Variants in ARMC9 observed in about 807,000 individuals in gnomAD.
ARMC9 encodes lisH domain-containing protein ARMC9.
A neutral mutation model predicts 107.0 loss-of-function variants in ARMC9; 94 were observed. The observed-to-expected ratio is 0.88, with a 90% CI of 0.74 to 1.04. The LOEUF is 1.04. Ranked by LOEUF, ARMC9 falls within the 50% of genes least tolerant of loss-of-function variation. ARMC9 has a pLI of 0.00. For missense variants in ARMC9, 942 were observed against 1,030.1 expected, an observed-to-expected ratio of 0.91 and a Z score of 1.17; for synonymous variants, 380 against 396.9, an observed-to-expected ratio of 0.96 and a Z score of 0.51.
chr2:231,369,751 G>A (rs974273369), intron 23 of ARMC9, among the ~76,000 whole-genome samples: 1 of 151,842 alleles, frequency 6.6e-6, no homozygotes, highest in Non-Finnish European at 1.5e-5. Context: ...CCGCCACCGC[G>A]CCCGGCTAAT....
rs3042595 is a variant in ARMC9 at position 231,255,180 on chromosome 2, AACACACACACAC to A, written c.880-1376_880-1365del. On this transcript the variant is annotated intron_variant, in intron 9 of 24. Coordinates refer to ENST00000611582, the MANE Select transcript of ARMC9 (RefSeq NM_001352754.2). This position sits in a 1 kb window ranked among gnomAD's most constrained non-coding sequence, Gnocchi z 4.7. The stretch of plus-strand genomic sequence containing the variant: ...AGCACTACCTGTAGTGGCAAAAAGA[AACACACACACAC>A]ACACACACACACACACACACACACA... 0.015 allele frequency among the ~76,000 whole-genome samples: 2,142 copies of A among 146,854 alleles called. 23 individuals carry two copies. Among genetic ancestry groups the A allele is most frequent in the Non-Finnish European group, 0.021 (1,420 of 66,292 alleles).
rs960812382 is a variant in ARMC9 at position 231,370,049 on chromosome 2, C to A, written c.2358C>A (p.Ala786=). ...CCAAGGCAAAGGCGTCAGTTCTGGC[C>A]CCTCTGTTCTCTTCGTGTGGCCCCC... ...NPPKAKASVL[A]PLFSSCGPQQ... is the part of the protein sequence containing the mutation. Residue 786 remains alanine (A), a synonymous_variant, in exon 24 of 25, where the codon GCC becomes GCA. Coordinates refer to ENST00000611582, the MANE Select transcript of ARMC9 (RefSeq NM_001352754.2). 6.5e-7 allele frequency: 1 copy of A among 1,535,482 alleles called. No individual in the cohort carries two copies. Among genetic ancestry groups the A allele is most frequent in the African/African-American group, 1.4e-5 (1 of 73,012 alleles).
chr2:231,361,043 G>A (rs1203129429), intron 23 of ARMC9, among the ~76,000 whole-genome samples, 160 bp downstream of exon 23: 1 of 152,216 alleles, frequency 6.6e-6, no homozygotes, highest in African/African-American at 2.4e-5. Context: ...CCAGCGGAGT[G>A]CAGCCGCCAC....
intron 20 of ARMC9, among the ~76,000 whole-genome samples, chr2:231,337,722 C>A (rs2125569953): frequency 6.6e-6 from 1 of 152,180 alleles, no homozygotes; most frequent in Non-Finnish European, 1.5e-5. Context: ...CCTCACCCGG[C>A]CTCAATGTCT....
intron 8 of ARMC9, among the ~76,000 whole-genome samples, chr2:231,236,853 A>G (rs1304862115): frequency 6.6e-6 from 1 of 152,152 alleles, no homozygotes; most frequent in East Asian, 1.9e-4. Flanking sequence ...CTGAGGCGGG[A>G]GGAACTCTTG....
chr2:231,307,357 G>T (rs895889647), intron 19 of ARMC9, among the ~76,000 whole-genome samples: 2 of 152,216 alleles, frequency 1.3e-5, no homozygotes, highest in Non-Finnish European at 2.9e-5. Flanking sequence ...ATTAGGGCAG[G>T]TGGATAATGG....
chr2:231,290,875 GA>G (rs1208304796), intron 17 of ARMC9, among the ~76,000 whole-genome samples: 27 of 134,604 alleles, frequency 2.0e-4, no homozygotes, highest in African/African-American at 6.3e-4. Context: ...GAAAACACAG[GA>G]AAAAAAAAAC....
rs1446416739 is a variant in ARMC9 at position 231,297,053 on chromosome 2, C to CA, written c.1773+801dup. Among the ~76,000 whole-genome samples, 1 of 152,126 alleles carries CA rather than the reference C, an allele frequency of 6.6e-6. No individual in the cohort carries two copies. Among genetic ancestry groups the CA allele is most frequent in the African/African-American group, 2.4e-5 (1 of 41,418 alleles). ...TTTTTTGTTTGGAGTCGTGGCCTAT[C>CA]AGCTTGTAAAATGTGTAAAAGCCAG... On this transcript the variant is annotated intron_variant, in intron 19 of 24. Coordinates refer to ENST00000611582, the MANE Select transcript of ARMC9 (RefSeq NM_001352754.2). The surrounding 1 kb of genome is among the most constrained non-coding windows in gnomAD (Gnocchi z 4.2).
intron 20 of ARMC9, among the ~76,000 whole-genome samples, chr2:231,337,199 T>C (rs2044153740): frequency 6.6e-6 from 1 of 150,502 alleles, no homozygotes; most frequent in East Asian, 1.9e-4. Flanking sequence ...GTGACTGTAA[T>C]GGTTGAAGAG....
chr2:231,244,563 T>A (rs1417161164), intron 9 of ARMC9, among the ~76,000 whole-genome samples: 2 of 152,028 alleles, frequency 1.3e-5, no homozygotes, highest in Non-Finnish European at 2.9e-5. Context: ...AGAGATGAGG[T>A]CTCACTATGT....
In ARMC9 at chr2:231,287,953, TGA is replaced by T. The variant is rs1183271781; in HGVS notation, c.1627-3396_1627-3395del. ...AACAGAGGCCGGAAGGTAGAGTAGT[TGA>T]GAGTGGGTACTCCTGAGCCTGAGGC... is the stretch of plus-strand genomic sequence containing the variant. On this transcript the variant is annotated intron_variant, in intron 17 of 24. Coordinates refer to ENST00000611582, the MANE Select transcript of ARMC9 (RefSeq NM_001352754.2). Among the ~76,000 whole-genome samples the T allele has an allele frequency of 2.6e-5, 4 of 152,320 alleles. No individual in the cohort carries two copies. In the South Asian group the frequency reaches 8.3e-4, roughly 32 times the overall value.
Position 231,273,093 on chromosome 2 carries a change from A to G in ARMC9, c.1334+15A>G, listed in dbSNP as rs369915627. 5.2e-5 allele frequency: 84 copies of G among 1,610,218 alleles called. No individual in the cohort carries two copies. The highest frequency in any genetic ancestry group is 3.7e-4 in the African/African-American group (28 of 74,806). ...TTCAGTCTCAGGTAACGACTGTGCA[A>G]TAGGTCACGGTGTCTCCTGTGAGAT... On this transcript the variant is annotated intron_variant, in intron 14 of 24. Transcript: ENST00000611582.
In ARMC9 at chr2:231,265,462, G is replaced by A. The variant is rs143540509; in HGVS notation, c.1119+3064G>A. Among the ~76,000 whole-genome samples, 6 of 152,256 alleles carry A rather than the reference G, an allele frequency of 3.9e-5. No individual in the cohort carries two copies. The East Asian group carries it at 1.2e-3, about 29-fold the overall frequency. ...CTTTTGCTGCAATTTGGATGGAGCT[G>A]GAGGCCTTATTCTAAGTGGGGTAAC... On this transcript the variant is annotated intron_variant, in intron 12 of 24. Transcript: ENST00000611582.
intron 3 of ARMC9, among the ~76,000 whole-genome samples, chr2:231,212,314 G>A (rs2032981634): frequency 6.6e-6 from 1 of 152,174 alleles, no homozygotes; most frequent in African/African-American, 2.4e-5. Context: ...ATTATTTTAA[G>A]CTCAGGGACC....
intron 20 of ARMC9, among the ~76,000 whole-genome samples, chr2:231,332,105 T>G (rs567432484): frequency 6.6e-6 from 1 of 152,166 alleles, no homozygotes; most frequent in Admixed American, 6.5e-5. Flanking sequence ...GGTGTACGGA[T>G]TGGGGAAAGA....
At chr2:231,288,644 A>G (rs2040777794) in intron 17 of ARMC9, 1 of 471,080 alleles carries the variant, frequency 2.1e-6, no homozygotes, top group South Asian at 1.5e-5. Flanking sequence ...GCTTTCTCTC[A>G]TTTAATCCCT....
intron 17 of ARMC9, chr2:231,288,540 TAG>T: frequency 2.2e-6 from 1 of 459,562 alleles, no homozygotes; most frequent in South Asian, 1.6e-5. Flanking sequence ...TAGAATGCGC[TAG>T]AGAGTTCAGT....
chr2:231,328,792 G>A (rs145254198), intron 19 of ARMC9, among the ~76,000 whole-genome samples: 11 of 139,498 alleles, frequency 7.9e-5, no homozygotes, highest in African/African-American at 2.6e-4. Flanking sequence ...TTGTCTTAGC[G>A]TGTTCAATTT....
At chr2:231,312,543 C>A (rs1377106266) in intron 19 of ARMC9, among the ~76,000 whole-genome samples, 2 of 151,476 alleles carry the variant, frequency 1.3e-5, no homozygotes, top group African/African-American at 4.9e-5. Flanking sequence ...CTTCTCCGAA[C>A]AAACCGTTTG....
Sources: allele counts gnomAD v4.1 joint callset (sites outside exome capture counted in the v4.1 genomes callset), GRCh38; gene constraint gnomAD v4.1.1; non-coding constraint Gnocchi (gnomAD v3.1); transcripts MANE v1.5; gene names NCBI Gene and HGNC (gene_info 2026-07-23, HGNC 2026-07-21).